Variants in SF3B3 observed in about 807,000 individuals in gnomAD.
The protein encoded by SF3B3 is SAP 130.
A neutral mutation model predicts 139.2 loss-of-function variants in SF3B3; 33 were observed. The ratio of observed to expected loss-of-function variants is 0.24; its 90% confidence interval spans 0.18 to 0.32. SF3B3 has a LOEUF of 0.32. Among genes scored for constraint, SF3B3 ranks in the 10% least tolerant of loss-of-function variants. The pLI is 1.00. For missense variants in SF3B3, 818 were observed against 1,509.4 expected, an observed-to-expected ratio of 0.54 and a Z score of 7.59; for synonymous variants, 596 against 563.6, an observed-to-expected ratio of 1.06 and a Z score of -0.81.
At position 70,557,604 on chromosome 16, in the gene SF3B3, G is replaced by C. The variant is rs141291989; in HGVS notation, c.2010+575G>C. Among the ~76,000 whole-genome samples the C allele has an allele frequency of 3.3e-3, 509 of 152,320 alleles. 5 individuals carry two copies. Among genetic ancestry groups the C allele is most frequent in the African/African-American group, 0.011 (473 of 41,572 alleles). ...CTCAAACATAGCCAGAAGTTAGAGA[G>C]ACTAATACAGTGAACTTCCATGTAC... On this transcript the variant is annotated intron_variant, in intron 15 of 25. Transcript: ENST00000302516.
At chr16:70,554,282 C>T (rs1356279050) in intron 11 of SF3B3, 164 bp from the exon 12 acceptor site, 2 of 594,486 alleles carry the variant, frequency 3.4e-6, no homozygotes, top group Non-Finnish European at 5.9e-6. Flanking sequence ...TAGTTTTCTT[C>T]TGGATCATTT....
chr16:70,569,183 A>G (rs754237223), intron 23 of SF3B3, 42 bp downstream of exon 23: 2 of 1,393,582 alleles, frequency 1.4e-6, no homozygotes, highest in Admixed American at 3.9e-5. Context: ...ACTGCTTAGC[A>G]CTTTTCCTGT....
intron 23 of SF3B3, 24 bp from the exon 24 acceptor site, chr16:70,569,982 C>T: frequency 6.2e-7 from 1 of 1,613,544 alleles, no homozygotes; most frequent in Non-Finnish European, 8.5e-7. Context: ...TGCACACAGT[C>T]ACTAGTCTGT....
chr16:70,564,956 C>T, intron 18 of SF3B3, 109 bp from the exon 19 acceptor site: 2 of 961,852 alleles, frequency 2.1e-6, no homozygotes, highest in Non-Finnish European at 1.7e-6. Context: ...GCTGACTTTG[C>T]TGCTTTATGT....
Position 70,565,243 on chromosome 16 carries a change from A to C in SF3B3, c.2642A>C (p.Gln881Pro), listed in dbSNP as rs560372703. ...PIQGNTLDLV[Q>P]LEQNEAAFSV... Reference sequence around the variant, plus strand: ...CAAGGGAACACACTGGACCTTGTCCAGCTGGAACAGAATGAGGCAGCTTTT... The same window carrying C: ...CAAGGGAACACACTGGACCTTGTCCCGCTGGAACAGAATGAGGCAGCTTTT... The change falls in exon 19 of 26, where the codon CAG becomes CCG. Residue 881 changes from glutamine (Q) to proline (P), a missense_variant. Around this residue, in one of 14 missense-constraint regions of SF3B3, gnomAD observed 145 missense variants for 153.6 expected, o/e 0.94. Coordinates refer to ENST00000302516, the MANE Select transcript of SF3B3 (RefSeq NM_012426.5). 10 of 1,614,220 alleles carry C rather than the reference A, an allele frequency of 6.2e-6. No homozygotes were observed. The highest frequency in any genetic ancestry group is 4.5e-5 in the East Asian group (2 of 44,886).
chr16:70,571,669 T>C lies in SF3B3; in HGVS notation c.3514-4T>C. 6.2e-7 allele frequency: 1 copy of C among 1,609,444 alleles called. No homozygotes were observed. Among genetic ancestry groups the C allele is most frequent in the Non-Finnish European group, 8.5e-7 (1 of 1,178,800 alleles). ...TTTTTCTTTCTGCTTTCTCCATATCTTAGAATGTGATTGATGGAGACCTCT... is the reference window on the plus strand; with the variant it reads ...TTTTTCTTTCTGCTTTCTCCATATCCTAGAATGTGATTGATGGAGACCTCT... On this transcript the variant is annotated splice_region_variant and splice_polypyrimidine_tract_variant and intron_variant, in intron 25 of 25. Coordinates refer to ENST00000302516, the MANE Select transcript of SF3B3 (RefSeq NM_012426.5).
chr16:70,541,875 GTTAA>G, intron 9 of SF3B3, 41 bp downstream of exon 9: 1 of 1,541,896 alleles, frequency 6.5e-7, no homozygotes, highest in East Asian at 2.3e-5. Flanking sequence ...TAGATCTAAA[GTTAA>G]ACTGAGGTCT....
intron 16 of SF3B3, among the ~76,000 whole-genome samples, chr16:70,561,005 C>A (rs968837372): frequency 2.6e-5 from 4 of 151,998 alleles, no homozygotes; most frequent in Non-Finnish European, 5.9e-5. Context: ...CTAATTGATT[C>A]CATTTAATTC....
chr16:70,559,316 C>G (rs1019450701), intron 15 of SF3B3, among the ~76,000 whole-genome samples: 1 of 152,022 alleles, frequency 6.6e-6, no homozygotes, highest in Non-Finnish European at 1.5e-5. Flanking sequence ...CATTGTTCAC[C>G]TGTTTTCAGA....
chr16:70,559,502 C>A (rs1483194209), intron 15 of SF3B3, among the ~76,000 whole-genome samples: 1 of 151,938 alleles, frequency 6.6e-6, no homozygotes, highest in Non-Finnish European at 1.5e-5. Flanking sequence ...GCCTGGGCAA[C>A]ATGGCGAAAC....
At chr16:70,562,489 C>T (rs138295047) in intron 17 of SF3B3, among the ~76,000 whole-genome samples, 47 of 152,228 alleles carry the variant, frequency 3.1e-4, no homozygotes, top group African/African-American at 1.0e-3. Context: ...TTTTTCTTTC[C>T]GTCATCTTTG....
At position 70,535,342 on chromosome 16, in the gene SF3B3, G is replaced by C; in HGVS notation, c.747G>C (p.Leu249=). The C allele has an allele frequency of 6.2e-7, 1 of 1,610,906 alleles. No individual in the cohort carries two copies. Residue 249 remains leucine (L), a synonymous_variant, in exon 6 of 26, where the codon CTG becomes CTC. Coordinates refer to ENST00000302516, the MANE Select transcript of SF3B3 (RefSeq NM_012426.5). The part of the protein sequence containing the change: ...PGGSDGPSGV[L]ICSENYITYK... Reference sequence around the variant, plus strand: ...GGTCAGATGGTCCAAGTGGAGTACTGATCTGCTCTGAAAACTATATTACTT... The same window carrying C: ...GGTCAGATGGTCCAAGTGGAGTACTCATCTGCTCTGAAAACTATATTACTT...
chr16:70,541,622 G>C (rs762717205), intron 8 of SF3B3, 47 bp from the exon 9 acceptor site: 7 of 1,501,614 alleles, frequency 4.7e-6, no homozygotes, highest in Admixed American at 3.4e-5. Context: ...ATTATCGTCA[G>C]GCAGAGAACT....
At chr16:70,570,744 T>C (rs1375456824) in intron 24 of SF3B3, among the ~76,000 whole-genome samples, 2 of 152,194 alleles carry the variant, frequency 1.3e-5, no homozygotes, top group Non-Finnish European at 2.9e-5. Flanking sequence ...ATTGCCAGGA[T>C]TGATGGGATG....
intron 1 of SF3B3, among the ~76,000 whole-genome samples, chr16:70,525,284 C>T (rs2050048273): frequency 6.6e-6 from 1 of 152,102 alleles, no homozygotes. Flanking sequence ...GCCTCGGCCT[C>T]CCAAAGTGCT....
rs1396151064 is a variant in SF3B3, at chr16:70,577,425, A to T, written c.*5612A>T. The T allele has an allele frequency of 6.6e-6, 1 of 152,334 alleles. No homozygotes were observed. The highest frequency in any genetic ancestry group is 1.5e-5 in the Non-Finnish European group (1 of 68,152). 9.4% of individuals were successfully genotyped at this position (152,334 alleles called of 1,614,324 possible). A position where few individuals can be genotyped will look rare whatever the true frequency, so the allele number is the denominator to read the frequency against. ...CCTCCCACTAGCTGCCCAACGGATG[A>T]ATCAACGCCTTGGCAGAGTTTTCCA... On this transcript the variant is annotated 3_prime_UTR_variant, in exon 26 of 26. Transcript: ENST00000302516.
intron 2 of SF3B3, 60 bp downstream of exon 2, chr16:70,526,786 G>A (rs1470442057): frequency 8.6e-7 from 1 of 1,159,168 alleles, no homozygotes. Context: ...ATCTTGCTTA[G>A]TCTCTTGTGC....
chr16:70,574,579 A>G lies in SF3B3; in HGVS notation c.*2766A>G, dbSNP rs984534560. Reference sequence around the variant, plus strand: ...TGTGGTGCGATCTCAGCCCACTGCAACCTCTATCTCCTGAGCTCAAGCGAT... The same window carrying G: ...TGTGGTGCGATCTCAGCCCACTGCAGCCTCTATCTCCTGAGCTCAAGCGAT... On this transcript the variant is annotated 3_prime_UTR_variant, in exon 26 of 26. Coordinates refer to ENST00000302516, the MANE Select transcript of SF3B3 (RefSeq NM_012426.5). The G allele has an allele frequency of 6.6e-6, 1 of 152,204 alleles. No individual in the cohort carries two copies. Among genetic ancestry groups the G allele is most frequent in the African/African-American group, 2.4e-5 (1 of 41,456 alleles). The allele number at this position is 152,204 out of a possible 1,614,324, so 9.4% of individuals were successfully genotyped here. A position where few individuals can be genotyped will look rare whatever the true frequency, so the allele number is the denominator to read the frequency against.
At chr16:70,568,974 C>T (rs2050503069) in intron 22 of SF3B3, 69 bp from the exon 23 acceptor site, 1 of 1,137,530 alleles carries the variant, frequency 8.8e-7, no homozygotes, top group Non-Finnish European at 1.3e-6. Context: ...CCTGGCCAGA[C>T]CTGTTGCTTG....
Sources: gnomAD v4.1 joint callset for allele counts (sites outside exome capture counted in the v4.1 genomes callset) on GRCh38, gnomAD v4.1.1 for gene constraint, gnomAD v4.1.1 regional missense constraint, MANE v1.5 for transcripts, NCBI Gene and HGNC (gene_info 2026-07-23, HGNC 2026-07-21) for gene names.